The following TEX101 variants were observed in gnomAD, a reference collection of about 807,000 sequenced individuals.
TEX101 encodes testis-expressed protein 101.
A neutral mutation model predicts 18.1 loss-of-function variants in TEX101; 10 were observed. The observed-to-expected ratio is 0.55, with a 90% CI of 0.34 to 0.94. The LOEUF is 0.94. Among genes scored for constraint, TEX101 ranks in the 40% least tolerant of loss-of-function variants. The pLI is 0.02. For missense variants in TEX101, 259 were observed against 298.9 expected (o/e 0.87, Z 0.98); for synonymous variants, 94 against 114.8 (o/e 0.82, Z 1.16).
chr19:43,390,450 C>CTTTTTTTTCTTTTTTTTTTTTTTTTTTTT, the TEX101 span, among the ~76,000 whole-genome samples: 1 of 62,878 alleles, frequency 1.6e-5, no homozygotes, highest in African/African-American at 6.3e-5. Flanking sequence ...CTTTTCTTTT[C>CTTTTTTTTCTTTTTTTTTTTTTTTTTTTT]TTTTTTTTTC....
At chr19:43,399,975 C>G (rs934406333), upstream of TEX101, among the ~76,000 whole-genome samples, 15 of 152,104 alleles carry the variant, frequency 9.9e-5, no homozygotes, top group African/African-American at 3.4e-4. Context: ...CCACCATACC[C>G]AGCAAATTTT....
At chr19:43,416,795 G>A (rs1039645508) in intron 4 of TEX101, among the ~76,000 whole-genome samples, 3 of 152,152 alleles carry the variant, frequency 2.0e-5, no homozygotes, top group Admixed American at 2.0e-4. Context: ...CAATAAGACA[G>A]GCTGGGTGAG....
upstream of TEX101, among the ~76,000 whole-genome samples, chr19:43,400,412 C>A (rs1315409035): frequency 6.6e-6 from 1 of 152,158 alleles, no homozygotes; most frequent in Non-Finnish European, 1.5e-5. Flanking sequence ...ATGAAAGATT[C>A]TTGGGTTTTC....
upstream of TEX101, among the ~76,000 whole-genome samples, chr19:43,399,154 C>T (rs918458564): frequency 2.6e-5 from 4 of 152,178 alleles, no homozygotes; most frequent in African/African-American, 7.2e-5. Flanking sequence ...GCCCTCTATT[C>T]TCTATAAATC....
chr19:43,411,858 T>A (rs1970422324), upstream of TEX101, among the ~76,000 whole-genome samples: 1 of 151,964 alleles, frequency 6.6e-6, no homozygotes, highest in African/African-American at 2.4e-5. Context: ...ACCGTGTTGG[T>A]GAAGGTCAGG....
rs770122625 is a variant in TEX101 at position 43,415,960 on chromosome 19, T to A, written c.41T>A (p.Val14Asp). The stretch of plus-strand genomic sequence containing the variant: ...ATCCAGCATTTGCTGATCCTCCTGG[T>A]CCTAGGAGCCTCCCTCCTGACCTGT... ...PRIQHLLILL[V>D]LGASLLTSGL... Residue 14 changes from valine to aspartate, a missense_variant, in exon 2 of 6, where the codon GTC (valine) becomes GAC (aspartate). Transcript: ENST00000598265. 8.1e-6 allele frequency: 13 copies of A among 1,614,092 alleles called. No homozygotes were observed. Among genetic ancestry groups the A allele is most frequent in the Non-Finnish European group, 1.1e-5 (13 of 1,180,008 alleles).
chr19:43,396,163 C>G, the TEX101 span, among the ~76,000 whole-genome samples: 1 of 152,224 alleles, frequency 6.6e-6, no homozygotes, highest in Non-Finnish European at 1.5e-5. Flanking sequence ...CTTCCATCAG[C>G]CAGAAATGGG....
upstream of TEX101, among the ~76,000 whole-genome samples, chr19:43,396,892 A>C (rs1970271853): frequency 8.0e-6 from 1 of 124,410 alleles, no homozygotes; most frequent in African/African-American, 3.1e-5. Flanking sequence ...GCTGGAGTGC[A>C]GTGGCATGAT....
At position 43,417,865 on chromosome 19, in the gene TEX101, C is replaced by T. The variant is rs1970496531; in HGVS notation, c.392-13C>T. 4 of 1,613,762 alleles carry T rather than the reference C, an allele frequency of 2.5e-6. No homozygotes were observed. Among genetic ancestry groups the T allele is most frequent in the Admixed American group, 3.3e-5 (2 of 60,008 alleles). ...AGGACCTGCCCTTAACTGTCTCTCT[C>T]ATTTCCCTCCAGCTTCCACTGTGTC... On this transcript the variant is annotated splice_polypyrimidine_tract_variant and intron_variant, in intron 4 of 5. Transcript: ENST00000598265.
upstream of TEX101, among the ~76,000 whole-genome samples, chr19:43,397,012 A>G (rs1045652852): frequency 3.3e-5 from 5 of 150,532 alleles, no homozygotes; most frequent in Admixed American, 6.7e-5. Flanking sequence ...AATTGTTTGT[A>G]TTTTTAGTAG....
upstream of TEX101, chr19:43,414,855 T>G (rs188828043): frequency 1.5e-5 from 15 of 985,272 alleles, no homozygotes; most frequent in East Asian, 1.5e-3. Flanking sequence ...GGGTTTCGAG[T>G]GCTGTGTGGC....
chr19:43,402,603 T>C (rs1233397683), intron 1 of TEX101, among the ~76,000 whole-genome samples: 1 of 151,452 alleles, frequency 6.6e-6, no homozygotes, highest in Non-Finnish European at 1.5e-5. Flanking sequence ...TTTTTTGAGA[T>C]GGAGTCTCAC....
the TEX101 span, among the ~76,000 whole-genome samples, chr19:43,391,911 C>T: frequency 6.6e-6 from 1 of 152,154 alleles, no homozygotes; most frequent in Admixed American, 6.6e-5. Flanking sequence ...AACCTTCTTC[C>T]CTTTCTAGCT....
At chr19:43,417,236 G>A (rs1599905259) in intron 4 of TEX101, among the ~76,000 whole-genome samples, 1 of 151,796 alleles carries the variant, frequency 6.6e-6, no homozygotes, top group South Asian at 2.1e-4. Flanking sequence ...TGCTAACTGG[G>A]GCTAATACTC....
intron 1 of TEX101, among the ~76,000 whole-genome samples, chr19:43,415,288 T>A (rs756261574): frequency 1.3e-5 from 2 of 151,718 alleles, no homozygotes; most frequent in Non-Finnish European, 2.9e-5. Flanking sequence ...CCCCTGAGAC[T>A]GAGGGAGAAG....
chr19:43,416,373 G>A lies in TEX101; in HGVS notation c.209G>A (p.Gly70Glu). The part of the protein sequence containing the change: ...CQETILIIKA[G>E]TETAILATKG... ...TCCCCTCCTTCCTGTCTCATAACAG[G>A]GACTGAGACAGCCATTTTGGCCACG... The change falls in exon 4 of 6, where the codon GGG (glycine) becomes GAG (glutamate). Residue 70 changes from glycine (G) to glutamate (E), a missense_variant and splice_region_variant. Physicochemically the swap from Gly to Glu is moderately conservative, Grantham distance 98. Coordinates refer to ENST00000598265, the MANE Select transcript of TEX101 (RefSeq NM_001130011.3). The A allele has an allele frequency of 6.2e-7, 1 of 1,612,660 alleles. No homozygotes were observed. The highest frequency in any genetic ancestry group is 1.1e-5 in the South Asian group (1 of 90,896).
In TEX101 at chr19:43,417,857, GTC is replaced by G. The variant is rs1568459328; in HGVS notation, c.392-14_392-13del. 7 of 1,613,680 alleles carry G rather than the reference GTC, an allele frequency of 4.3e-6. No homozygotes were observed. Among genetic ancestry groups the G allele is most frequent in the Non-Finnish European group, 5.1e-6 (6 of 1,179,760 alleles). On this transcript the variant is annotated intron_variant, in intron 4 of 5. Coordinates refer to ENST00000598265, the MANE Select transcript of TEX101 (RefSeq NM_001130011.3). Reference sequence around the variant, plus strand: ...CTGGAGGCAGGACCTGCCCTTAACTGTCTCTCTCATTTCCCTCCAGCTTCCAC... The same window carrying G: ...CTGGAGGCAGGACCTGCCCTTAACTGTCTCTCATTTCCCTCCAGCTTCCAC...
the TEX101 span, among the ~76,000 whole-genome samples, chr19:43,393,311 G>T: frequency 6.6e-6 from 1 of 152,192 alleles, no homozygotes; most frequent in Non-Finnish European, 1.5e-5. Flanking sequence ...AATGCCCAGT[G>T]CCCCTGAGCT....
chr19:43,413,764 T>A (rs910899429), upstream of TEX101, among the ~76,000 whole-genome samples: 4 of 151,534 alleles, frequency 2.6e-5, no homozygotes, highest in Non-Finnish European at 4.4e-5. Context: ...ACCAGCCTGG[T>A]CAACACGGCG....
Sources: gnomAD v4.1 joint callset for allele counts (sites outside exome capture counted in the v4.1 genomes callset) on GRCh38, gnomAD v4.1.1 for gene constraint, MANE v1.5 for transcripts, NCBI Gene and HGNC (gene_info 2026-07-23, HGNC 2026-07-21) for gene names.